GLS: variants seen among roughly 807,000 people sequenced by gnomAD.
The protein encoded by GLS is glutaminase.
In GLS, 36 loss-of-function variants were observed where a neutral mutation model predicts 86.7. The observed-to-expected ratio is 0.42, with a 90% CI of 0.32 to 0.55. The LOEUF (loss-of-function observed/expected upper bound fraction) is 0.55. Ranked by LOEUF, GLS falls within the 20% of genes least tolerant of loss-of-function variation. GLS has a pLI of 0.17. For synonymous variants in GLS, 317 were observed against 305.9 expected, an observed-to-expected ratio of 1.04 and a Z score of -0.38; for missense variants, 528 against 833.4, an observed-to-expected ratio of 0.63 and a Z score of 4.51.
chr2:190,935,684 T>G lies in GLS; in HGVS notation c.1650+4047T>G, dbSNP rs116039695. Among the ~76,000 whole-genome samples, 468 of 151,462 alleles carry G rather than the reference T, an allele frequency of 3.1e-3. 4 individuals are homozygous for G. Among genetic ancestry groups the G allele is most frequent in the African/African-American group, 0.011 (442 of 41,528 alleles). ...TGTTATTCACTATGTAACTCTCATT[T>G]TATCTGTTGTTGCCTAAATAATAGG... On this transcript the variant is annotated intron_variant, in intron 14 of 17. Coordinates refer to ENST00000320717, the MANE Select transcript of GLS (RefSeq NM_014905.5). This position sits in a 1 kb window ranked among gnomAD's most constrained non-coding sequence, Gnocchi z 4.2.
At chr2:190,933,146 CTA>C (rs1253137191) in intron 14 of GLS, 4 of 861,960 alleles carry the variant, frequency 4.6e-6, no homozygotes, top group East Asian at 1.1e-4. Context: ...AAAATGTTAA[CTA>C]TGTGGTCAGA....
chr2:190,896,731 A>G (rs1167554566), intron 3 of GLS, among the ~76,000 whole-genome samples: 1 of 152,098 alleles, frequency 6.6e-6, no homozygotes, highest in Non-Finnish European at 1.5e-5. Context: ...GTTTCTGTTA[A>G]CTTAGCTGAC....
intron 17 of GLS, among the ~76,000 whole-genome samples, chr2:190,960,706 T>A (rs1690980955): frequency 6.6e-6 from 1 of 152,080 alleles, no homozygotes; most frequent in African/African-American, 2.4e-5. Context: ...GGGCTTGGGT[T>A]TTGTTGGTTC....
At position 190,953,057 on chromosome 2, in the gene GLS, G is replaced by A. The variant is rs1328125844; in HGVS notation, c.1651-508G>A. On this transcript the variant is annotated intron_variant, in intron 14 of 17. Transcript: ENST00000320717. This position sits in a 1 kb window ranked among gnomAD's most constrained non-coding sequence, Gnocchi z 4.0. ...CATTGAACTGAAGGCTGTCTTTCCA[G>A]TGAAGTAAAGTTTAAGATGACAGTT... Among the ~76,000 whole-genome samples, 1 of 152,206 alleles carries A rather than the reference G, an allele frequency of 6.6e-6. No individual in the cohort carries two copies. The highest frequency in any genetic ancestry group is 1.9e-4 in the East Asian group (1 of 5,200).
Position 190,947,243 on chromosome 2 carries a change from T to C in GLS, c.1651-6322T>C, listed in dbSNP as rs1690598758. Among the ~76,000 whole-genome samples, 2 of 152,218 alleles carry C rather than the reference T, an allele frequency of 1.3e-5. No homozygotes were observed. The highest frequency in any genetic ancestry group is 1.9e-4 in the East Asian group (1 of 5,202). ...TTAGGAATGCCATGTTTTAGATGTG[T>C]AAAACTGATACACTCCCCACCTGCT... On this transcript the variant is annotated intron_variant, in intron 14 of 17. Transcript: ENST00000320717. The surrounding 1 kb of genome is among the most constrained non-coding windows in gnomAD (Gnocchi z 5.0).
At chr2:190,936,080 T>C (rs900461034) in intron 14 of GLS, among the ~76,000 whole-genome samples, 46 of 151,224 alleles carry the variant, frequency 3.0e-4, no homozygotes, top group Admixed American at 3.0e-3. Flanking sequence ...TAAATGAAGT[T>C]CTTTTAGAAT....
intron 1 of GLS, among the ~76,000 whole-genome samples, chr2:190,884,393 G>C (rs373917672): frequency 6.6e-6 from 1 of 152,058 alleles, no homozygotes; most frequent in East Asian, 1.9e-4. Flanking sequence ...CCTATTTTGC[G>C]TACTGTTATG....
chr2:190,892,537 T>C (rs1294474668), intron 1 of GLS, among the ~76,000 whole-genome samples: 1 of 152,184 alleles, frequency 6.6e-6, no homozygotes, highest in Non-Finnish European at 1.5e-5. Flanking sequence ...CCAAAAGCTA[T>C]AGTTTTTAGC....
At chr2:190,932,037 T>C (rs749107998) in intron 14 of GLS, among the ~76,000 whole-genome samples, 9 of 152,032 alleles carry the variant, frequency 5.9e-5, no homozygotes, top group Non-Finnish European at 1.3e-4. Flanking sequence ...TCGTCCTAAA[T>C]TGAAGTTTAA....
At chr2:190,901,019 GT>G (rs1688922308) in intron 4 of GLS, among the ~76,000 whole-genome samples, 1 of 152,006 alleles carries the variant, frequency 6.6e-6, no homozygotes, top group African/African-American at 2.4e-5. Context: ...AATGTTTCTA[GT>G]TTTTAAAATC....
intron 1 of GLS, 121 bp downstream of exon 1, chr2:190,881,591 T>G: frequency 1.0e-6 from 1 of 961,866 alleles, no homozygotes; most frequent in Non-Finnish European, 1.5e-6. Context: ...AAGAAAGAGG[T>G]GCCGGGCGGC....
Position 190,905,349 on chromosome 2 carries a change from T to TG in GLS, c.979+185dup. 1.9e-6 allele frequency: 1 copy of TG among 523,064 alleles called. No homozygotes were observed. The highest frequency in any genetic ancestry group is 3.4e-6 in the Non-Finnish European group (1 of 295,398). 32.4% of individuals were successfully genotyped at this position (523,064 alleles called of 1,614,324 possible). A position where few individuals can be genotyped will look rare whatever the true frequency, so the allele number is the denominator to read the frequency against. ...GATTATTTTAGGCATCTCATACCAC[T>TG]GGGAAGTGGGCTAGGGAGAACATGA... On this transcript the variant is annotated intron_variant, in intron 6 of 17. Coordinates refer to ENST00000320717, the MANE Select transcript of GLS (RefSeq NM_014905.5). The surrounding 1 kb of genome is among the most constrained non-coding windows in gnomAD (Gnocchi z 4.6).
intron 4 of GLS, 119 bp from the exon 5 acceptor site, chr2:190,901,828 T>G (rs2124842847): frequency 1.5e-6 from 1 of 680,818 alleles, no homozygotes; most frequent in Non-Finnish European, 2.7e-6. Flanking sequence ...AGCCACTGAG[T>G]GTTGTAGAAT....
intron 7 of GLS, 133 bp downstream of exon 7, chr2:190,910,454 G>A: frequency 1.8e-6 from 1 of 562,594 alleles, no homozygotes. Flanking sequence ...TTTGTCTTAT[G>A]GTATAGTGTT....
At position 190,953,514 on chromosome 2, in the gene GLS, TG is replaced by T; in HGVS notation, c.1651-50del. 1 of 1,142,560 alleles carries T rather than the reference TG, an allele frequency of 8.8e-7. No individual in the cohort carries two copies. 70.8% of individuals were successfully genotyped at this position (1,142,560 alleles called of 1,614,324 possible). A position where few individuals can be genotyped will look rare whatever the true frequency, so the allele number is the denominator to read the frequency against. On this transcript the variant is annotated intron_variant, in intron 14 of 17. Transcript: ENST00000320717. The surrounding 1 kb of genome is among the most constrained non-coding windows in gnomAD (Gnocchi z 4.0). The stretch of plus-strand genomic sequence containing the variant: ...TCACTTGCCAGTGACAGGTGGACGT[TG>T]TATGTGTTTTCTCTCTCCTAAGGAT...
At chr2:190,942,067 C>CTTTTT (rs3036653) in intron 14 of GLS, among the ~76,000 whole-genome samples, 388 of 38,056 alleles carry the variant, frequency 0.01, 99 homozygotes, top group South Asian at 0.033. Context: ...ACTTTGAAGA[C>CTTTTT]TTTTTTTTTT....
At chr2:190,894,191 C>T (rs540287935) in intron 1 of GLS, among the ~76,000 whole-genome samples, 131 of 152,090 alleles carry the variant, frequency 8.6e-4, no homozygotes, top group Non-Finnish European at 1.6e-3. Flanking sequence ...GTTCCAGGTC[C>T]CCCACAGCTC....
chr2:190,888,963 TTC>T (rs1688479133), intron 1 of GLS, among the ~76,000 whole-genome samples: 1 of 152,236 alleles, frequency 6.6e-6, no homozygotes, highest in South Asian at 2.1e-4. Flanking sequence ...CATTAAATAC[TTC>T]TGTTAGTTTT....
At chr2:190,886,017 G>A (rs1365459695) in intron 1 of GLS, among the ~76,000 whole-genome samples, 1 of 151,960 alleles carries the variant, frequency 6.6e-6, no homozygotes, top group East Asian at 1.9e-4. Context: ...GGACTTACAG[G>A]CACGTGCCAC....
Sources: allele counts gnomAD v4.1 joint callset (sites outside exome capture counted in the v4.1 genomes callset), GRCh38; gene constraint gnomAD v4.1.1; non-coding constraint Gnocchi (gnomAD v3.1); transcripts MANE v1.5; gene names NCBI Gene and HGNC (gene_info 2026-07-23, HGNC 2026-07-21).